RPA3: variants seen among roughly 807,000 people sequenced by gnomAD.
RPA3 encodes the protein replication protein A3.
RPA3 carries 24 observed loss-of-function variants against 13.7 expected under a neutral mutation model. The ratio of observed to expected loss-of-function variants is 1.75; its 90% CI spans 1.27 to 2.46. RPA3 has a LOEUF of 2.46. Ranked by LOEUF, RPA3 falls within the 30% of genes most tolerant of loss-of-function variation. The pLI is 0.00. For synonymous variants in RPA3, 59 were observed against 51.2 expected (o/e 1.15, Z -0.65); for missense variants, 183 against 151.0 (o/e 1.21, Z -1.11).
At chr7:7,656,354 A>C (rs1225340462) in intron 4 of RPA3, among the ~76,000 whole-genome samples, 1 of 151,554 alleles carries the variant, frequency 6.6e-6, no homozygotes, top group African/African-American at 2.4e-5. Context: ...TCTGGAGTAC[A>C]TGTACAGAAC....
At chr7:7,661,713 C>T (rs745433142) in intron 4 of RPA3, among the ~76,000 whole-genome samples, 13 of 152,182 alleles carry the variant, frequency 8.5e-5, no homozygotes, top group Non-Finnish European at 1.6e-4. Flanking sequence ...CAGATGCCAG[C>T]CAGAGCTCTC....
chr7:7,673,509 T>G (rs1419347032), intron 4 of RPA3: 2 of 674,458 alleles, frequency 3.0e-6, no homozygotes, highest in Non-Finnish European at 5.3e-6. Context: ...TTTAAAAAAT[T>G]ACTTGAAAAT....
At chr7:7,712,646 C>G (rs976858387) in intron 2 of RPA3, among the ~76,000 whole-genome samples, 3 of 152,120 alleles carry the variant, frequency 2.0e-5, no homozygotes, top group African/African-American at 4.8e-5. Context: ...TTGTTTCATT[C>G]AAATCCTTGT....
intron 2 of RPA3, among the ~76,000 whole-genome samples, chr7:7,708,006 C>A (rs998159512): frequency 9.9e-5 from 15 of 152,128 alleles, no homozygotes; most frequent in African/African-American, 3.6e-4. Context: ...TGCGGCTCCT[C>A]CTGAATCACA....
chr7:7,646,294 A>T (rs1785091575), intron 4 of RPA3, among the ~76,000 whole-genome samples: 1 of 93,974 alleles, frequency 1.1e-5, no homozygotes, highest in Non-Finnish European at 2.2e-5. Flanking sequence ...GGATGGTGAT[A>T]CGGTTTGGCT....
At chr7:7,674,659 G>A (rs1486150728) in intron 4 of RPA3, among the ~76,000 whole-genome samples, 1 of 152,144 alleles carries the variant, frequency 6.6e-6, no homozygotes, top group African/African-American at 2.4e-5. Flanking sequence ...AGGGTGCAGT[G>A]GACTTAATTG....
intron 2 of RPA3, among the ~76,000 whole-genome samples, chr7:7,702,998 C>T (rs984634116): frequency 3.3e-5 from 5 of 152,188 alleles, no homozygotes; most frequent in Non-Finnish European, 7.3e-5. Flanking sequence ...TGAAGCCATG[C>T]GAGCAGGCAG....
Position 7,701,191 on chromosome 7 carries a change from T to A in RPA3, c.-1027-13863A>T, listed in dbSNP as rs534500597. On this transcript the variant is annotated intron_variant, in intron 2 of 7. Coordinates refer to ENST00000223129, the MANE Select transcript of RPA3 (RefSeq NM_002947.5). ...GGAAGATGTGTGAGGAGGAATGGAA[T>A]CTATCATACCTATTTAAGGAATGAA... Among the ~76,000 whole-genome samples the A allele has an allele frequency of 2.0e-5, 3 of 152,348 alleles. No homozygotes were observed. In the East Asian group the frequency reaches 5.8e-4, roughly 29 times the overall value.
intron 2 of RPA3, among the ~76,000 whole-genome samples, chr7:7,693,323 C>CTATCTATG (rs1554315973): frequency 4.0e-4 from 61 of 152,086 alleles, no homozygotes; most frequent in African/African-American, 1.5e-3. Flanking sequence ...ATCTATCTAT[C>CTATCTATG]TATCTATCTA....
At chr7:7,715,860 C>T (rs7456324) in intron 1 of RPA3, among the ~76,000 whole-genome samples, 3 of 152,024 alleles carry the variant, frequency 2.0e-5, no homozygotes, top group Non-Finnish European at 2.9e-5. Context: ...AAAATAGTAT[C>T]GTGATAGCAT....
chr7:7,703,297 G>T (rs1466940410), intron 2 of RPA3, among the ~76,000 whole-genome samples: 1 of 152,120 alleles, frequency 6.6e-6, no homozygotes, highest in Non-Finnish European at 1.5e-5. Flanking sequence ...TGGAATTCGT[G>T]TGTTCTCATT....
chr7:7,717,336 C>G (rs1484242771), intron 1 of RPA3, among the ~76,000 whole-genome samples: 1 of 152,144 alleles, frequency 6.6e-6, no homozygotes, highest in African/African-American at 2.4e-5. Context: ...GAATTACAGG[C>G]ATAAGCCACC....
intron 5 of RPA3, among the ~76,000 whole-genome samples, chr7:7,639,596 T>G (rs558314967): frequency 6.6e-6 from 1 of 152,288 alleles, no homozygotes; most frequent in South Asian, 2.1e-4. Context: ...GCTGTCAGAT[T>G]GCGTTTGAAT....
At chr7:7,656,681 G>A (rs1439334933) in intron 4 of RPA3, among the ~76,000 whole-genome samples, 2 of 152,182 alleles carry the variant, frequency 1.3e-5, no homozygotes, top group Non-Finnish European at 2.9e-5. Flanking sequence ...ATTCCATGGT[G>A]TATATGTGCC....
chr7:7,648,648 C>T (rs1242982211), intron 4 of RPA3, among the ~76,000 whole-genome samples: 1 of 149,424 alleles, frequency 6.7e-6, no homozygotes, highest in African/African-American at 2.5e-5. Flanking sequence ...TTCAGGAGTT[C>T]GAGACAAGCC....
rs141408627 is a variant in RPA3, at chr7:7,655,712, C to T, written c.-757-14537G>A. Among the ~76,000 whole-genome samples the T allele has an allele frequency of 5.3e-5, 8 of 152,008 alleles. No homozygotes were observed. The East Asian group carries it at 5.8e-4, about 11-fold the overall frequency. ...ATGATGTGACATTACATTTAGGGGACGAATGAAAAGATTAGGAGTGTTAAA... is the reference window on the plus strand; with the variant it reads ...ATGATGTGACATTACATTTAGGGGATGAATGAAAAGATTAGGAGTGTTAAA... On this transcript the variant is annotated intron_variant, in intron 4 of 7. Coordinates refer to ENST00000223129, the MANE Select transcript of RPA3 (RefSeq NM_002947.5).
At chr7:7,642,452 C>T (rs893552315) in intron 4 of RPA3, among the ~76,000 whole-genome samples, 1 of 137,892 alleles carries the variant, frequency 7.3e-6, no homozygotes, top group African/African-American at 2.8e-5. Context: ...AGCCTTGGTG[C>T]GTACCCTGTA....
At chr7:7,684,647 G>A (rs371104654) in intron 4 of RPA3, among the ~76,000 whole-genome samples, 1 of 152,194 alleles carries the variant, frequency 6.6e-6, no homozygotes, top group Non-Finnish European at 1.5e-5. Flanking sequence ...CAACTGGGAA[G>A]CATTTTATTA....
intron 4 of RPA3, among the ~76,000 whole-genome samples, chr7:7,684,314 G>A (rs1245954948): frequency 2.0e-5 from 3 of 151,626 alleles, no homozygotes; most frequent in African/African-American, 7.3e-5. Flanking sequence ...CAATTCTCAT[G>A]CCTCAGAGTC....
Sources: allele counts gnomAD v4.1 joint callset (sites outside exome capture counted in the v4.1 genomes callset), GRCh38; gene constraint gnomAD v4.1.1; transcripts MANE v1.5; gene names NCBI Gene and HGNC (gene_info 2026-07-23, HGNC 2026-07-21).